Variants in RNF126 observed in about 807,000 individuals in gnomAD.
The protein encoded by RNF126 is E3 ubiquitin-protein ligase RNF126.
A neutral mutation model predicts 41.9 loss-of-function variants in RNF126; 20 were observed. The observed-to-expected ratio is 0.48, with a 90% CI of 0.34 to 0.69. The LOEUF (loss-of-function observed/expected upper bound fraction) is 0.69. Ranked by LOEUF, RNF126 falls within the 30% of genes least tolerant of loss-of-function variation. The pLI, the probability that RNF126 is intolerant of heterozygous loss-of-function variation, is 0.01. For missense variants in RNF126, 433 were observed against 460.6 expected (o/e 0.94, Z 0.55); for synonymous variants, 239 against 202.9 (o/e 1.18, Z -1.51).
At chr19:650,003 C>A (rs2030195157) in intron 5 of RNF126, among the ~76,000 whole-genome samples, 1 of 148,928 alleles carries the variant, frequency 6.7e-6, no homozygotes, top group Non-Finnish European at 1.5e-5. Flanking sequence ...CACCCACTCA[C>A]CAGGGGCCCA....
intron 1 of RNF126, among the ~76,000 whole-genome samples, chr19:662,310 A>C (rs908530143): frequency 9.9e-5 from 15 of 152,082 alleles, no homozygotes; most frequent in Admixed American, 2.6e-4. Flanking sequence ...GCCCTAAACG[A>C]GCAGGAAGTA....
At position 652,241 on chromosome 19, in the gene RNF126, G is replaced by A. The variant is rs2030342210; in HGVS notation, c.190C>T (p.Pro64Ser). 1.3e-6 allele frequency: 2 copies of A among 1,535,388 alleles called. No individual in the cohort carries two copies. Among genetic ancestry groups the A allele is most frequent in the Non-Finnish European group, 8.7e-7 (1 of 1,152,876 alleles). Reference sequence around the variant, plus strand: ...AGGGGCGGGCGACTCACCTCCAACGGTGGCCGGCTCTGGTCTGTGGGAGCT... The same window carrying A: ...AGGGGCGGGCGACTCACCTCCAACGATGGCCGGCTCTGGTCTGTGGGAGCT... Reference protein sequence around the residue: ...STAPTDQSRPPLEHVDQHLFT... With the variant: ...STAPTDQSRPSLEHVDQHLFT... Residue 64 changes from proline (P) to serine (S), a missense_variant, in exon 3 of 9, where the codon CCG (proline) becomes TCG (serine). Coordinates refer to ENST00000292363, the MANE Select transcript of RNF126 (RefSeq NM_194460.3).
intron 1 of RNF126, among the ~76,000 whole-genome samples, chr19:658,517 G>C (rs1041468742): frequency 6.6e-6 from 1 of 152,126 alleles, no homozygotes; most frequent in African/African-American, 2.4e-5. Context: ...TTTTCCTAAA[G>C]GGTGCCCAAA....
chr19:650,205 G>A (rs1473802586), intron 5 of RNF126, 29 bp downstream of exon 5: 1 of 1,554,610 alleles, frequency 6.4e-7, no homozygotes, highest in Non-Finnish European at 8.7e-7. Context: ...CCAGGCTGGG[G>A]ATGGGGACAG....
At chr19:656,806 G>A (rs1406256810) in intron 1 of RNF126, among the ~76,000 whole-genome samples, 1 of 152,164 alleles carries the variant, frequency 6.6e-6, no homozygotes, top group Non-Finnish European at 1.5e-5. Flanking sequence ...TCGGGATTGG[G>A]ACGCCCCACG....
intron 1 of RNF126, among the ~76,000 whole-genome samples, chr19:655,711 A>G (rs1381502066): frequency 6.6e-6 from 1 of 152,120 alleles, no homozygotes; most frequent in East Asian, 1.9e-4. Context: ...ACCCCAGAGA[A>G]ACGAAGACAC....
rs373918948 is a variant in RNF126, at chr19:648,111, C to T, written c.*17G>A. 140 of 1,552,548 alleles carry T rather than the reference C, an allele frequency of 9.0e-5. No individual in the cohort carries two copies. Among genetic ancestry groups the T allele is most frequent in the Non-Finnish European group, 1.2e-4 (133 of 1,145,120 alleles). ...GGGTGGGAAAGGCCCCGTGCTTTCC[C>T]GACGGCCGACGTGGGCTCACGAGTT... is the stretch of plus-strand genomic sequence containing the variant. On this transcript the variant is annotated 3_prime_UTR_variant, in exon 9 of 9. Coordinates refer to ENST00000292363, the MANE Select transcript of RNF126 (RefSeq NM_194460.3).
intron 1 of RNF126, among the ~76,000 whole-genome samples, chr19:662,756 G>A (rs748977851): frequency 6.6e-6 from 1 of 152,060 alleles, no homozygotes; most frequent in Non-Finnish European, 1.5e-5. Flanking sequence ...CTCTCGGGTC[G>A]GGAACGCCGC....
At chr19:657,402 C>T (rs2030605157) in intron 1 of RNF126, among the ~76,000 whole-genome samples, 1 of 152,230 alleles carries the variant, frequency 6.6e-6, no homozygotes, top group Non-Finnish European at 1.5e-5. Context: ...CTCACGACAG[C>T]CCGACCTGGC....
intron 1 of RNF126, among the ~76,000 whole-genome samples, chr19:658,837 C>A (rs747113673): frequency 1.3e-5 from 2 of 152,228 alleles, no homozygotes; most frequent in Non-Finnish European, 2.9e-5. Flanking sequence ...TGGAACCCCA[C>A]AGGTGCCCAT....
Position 659,172 on chromosome 19 carries a change from GAC to G in RNF126, c.75+3873_75+3874del, listed in dbSNP as rs2030688459. Among the ~76,000 whole-genome samples the G allele has an allele frequency of 1.3e-5, 2 of 152,274 alleles. No individual in the cohort carries two copies. The highest frequency in any genetic ancestry group is 2.1e-4 in the South Asian group (1 of 4,826). Reference sequence around the variant, plus strand: ...TGTCACGGTATCTGGCACAACCGCAGACACACAGAGCAAGCAGCGGCCAGAGA... The same window carrying G: ...TGTCACGGTATCTGGCACAACCGCAGACACAGAGCAAGCAGCGGCCAGAGA... On this transcript the variant is annotated intron_variant, in intron 1 of 8. Coordinates refer to ENST00000292363, the MANE Select transcript of RNF126 (RefSeq NM_194460.3). This position sits in a 1 kb window ranked among gnomAD's most constrained non-coding sequence, Gnocchi z 4.9.
At chr19:651,244 C>T (rs1042722213) in intron 4 of RNF126, 6 of 176,754 alleles carry the variant, frequency 3.4e-5, no homozygotes, top group Admixed American at 6.4e-5. Flanking sequence ...GGCCCTGCGA[C>T]GGCTCCCCCA....
Position 649,405 on chromosome 19 carries a change from G to A in RNF126, c.576+274C>T, listed in dbSNP as rs996121929. On this transcript the variant is annotated intron_variant, in intron 6 of 8. Coordinates refer to ENST00000292363, the MANE Select transcript of RNF126 (RefSeq NM_194460.3). Reference sequence around the variant, plus strand: ...GCGACCTCTCGGGAAGAGGGACCGCGTGGCCTCCTGACCATGTGACTGTGG... The same window carrying A: ...GCGACCTCTCGGGAAGAGGGACCGCATGGCCTCCTGACCATGTGACTGTGG... 6.8e-5 allele frequency: 33 copies of A among 486,072 alleles called. No individual in the cohort carries two copies. In the South Asian group the frequency reaches 8.2e-4, roughly 12 times the overall value. 30.1% of individuals were successfully genotyped at this position (486,072 alleles called of 1,614,324 possible). A position where few individuals can be genotyped will look rare whatever the true frequency, so the allele number is the denominator to read the frequency against.
intron 1 of RNF126, among the ~76,000 whole-genome samples, chr19:653,887 A>G (rs577427313): frequency 1.3e-5 from 2 of 152,370 alleles, no homozygotes; most frequent in Non-Finnish European, 2.9e-5. Context: ...CCCCCAGGTA[A>G]CACAGACAAA....
At chr19:661,190 C>CTCCA (rs2030785238) in intron 1 of RNF126, among the ~76,000 whole-genome samples, 1 of 152,206 alleles carries the variant, frequency 6.6e-6, no homozygotes, top group Admixed American at 6.5e-5. Context: ...GAGGAAGTGG[C>CTCCA]TCCACCACAC....
intron 3 of RNF126, 85 bp from the exon 4 acceptor site, chr19:651,940 A>C (rs1471428183): frequency 1.5e-6 from 2 of 1,304,752 alleles, no homozygotes; most frequent in South Asian, 2.7e-5. Flanking sequence ...CAAAGGAGAA[A>C]GCAAGACGGG....
In RNF126 at chr19:648,173, G is replaced by A. The variant is rs2072104; in HGVS notation, c.891C>T (p.Ser297=). The part of the protein sequence containing the change: ...GVSFSSSSSS[S]SSSSPSNENA... ...TCTCGTTGCTGGGCGAGCTGGAGGA[G>A]GACGATGACGACGAGGAGGAGAAGC... Residue 297 remains serine, a synonymous_variant, in exon 9 of 9, where the codon TCC becomes TCT. Transcript: ENST00000292363. 1.9e-6 allele frequency: 3 copies of A among 1,606,332 alleles called. No individual in the cohort carries two copies. The highest frequency in any genetic ancestry group is 2.6e-6 in the Non-Finnish European group (3 of 1,175,190).
chr19:662,903 G>A, intron 1 of RNF126, 144 bp downstream of exon 1: 1 of 333,248 alleles, frequency 3.0e-6, no homozygotes, highest in Non-Finnish European at 5.3e-6. Context: ...ATTCAGCCTG[G>A]GCCGGCGCTG....
intron 1 of RNF126, among the ~76,000 whole-genome samples, chr19:655,893 G>A (rs187264853): frequency 1.1e-3 from 161 of 152,214 alleles, no homozygotes; most frequent in Middle Eastern, 6.8e-3. Flanking sequence ...GGGGGGAGGG[G>A]GGATTGCATC....
Sources: allele counts gnomAD v4.1 joint callset (sites outside exome capture counted in the v4.1 genomes callset), GRCh38; gene constraint gnomAD v4.1.1; non-coding constraint Gnocchi (gnomAD v3.1); transcripts MANE v1.5; gene names NCBI Gene and HGNC (gene_info 2026-07-23, HGNC 2026-07-21).